The following SRSF11 variants were observed in gnomAD, a reference collection of about 807,000 sequenced individuals.
SRSF11 encodes the protein serine and arginine rich splicing factor 11.
Under a neutral mutation model 56.0 loss-of-function variants are expected in SRSF11, and 9 were observed. The observed-to-expected ratio is 0.16, with a 90% CI of 0.10 to 0.28. SRSF11 has a LOEUF of 0.28. SRSF11 is among the 10% of genes least tolerant of loss of function. SRSF11 has a pLI of 1.00. For synonymous variants in SRSF11, 222 were observed against 215.3 expected, an observed-to-expected ratio of 1.03 and a Z score of -0.27; for missense variants, 421 against 600.7, an observed-to-expected ratio of 0.70 and a Z score of 3.13.
At chr1:70,233,735 G>A (rs1030160174) in intron 3 of SRSF11, among the ~76,000 whole-genome samples, 1 of 152,290 alleles carries the variant, frequency 6.6e-6, no homozygotes, top group East Asian at 1.9e-4. Flanking sequence ...GAGAAAGTGA[G>A]GCTGTTTCAA....
chr1:70,236,637 T>C lies in SRSF11; in HGVS notation c.591-788T>C, dbSNP rs1335724278. ...GAGCCACCATGCCCGGCCTACAATT[T>C]TTTTTTTACATGTGTAAACCTGTAA... On this transcript the variant is annotated intron_variant, in intron 5 of 11. Coordinates refer to ENST00000370949, the MANE Select transcript of SRSF11 (RefSeq NM_001350605.2). Among the ~76,000 whole-genome samples, 6 of 151,986 alleles carry C rather than the reference T, an allele frequency of 3.9e-5. No individual in the cohort carries two copies. In the East Asian group the frequency reaches 1.2e-3, roughly 30 times the overall value.
At chr1:70,231,876 G>T in intron 2 of SRSF11, 2 of 1,499,698 alleles carry the variant, frequency 1.3e-6, no homozygotes, top group Non-Finnish European at 1.8e-6. Flanking sequence ...GCCGACACGA[G>T]TCGTTGTTCA....
intron 7 of SRSF11, among the ~76,000 whole-genome samples, chr1:70,241,617 A>G (rs979928994): frequency 3.3e-5 from 5 of 152,180 alleles, no homozygotes; most frequent in Non-Finnish European, 5.9e-5. Context: ...TGCCACTCCA[A>G]AAGTTACAGG....
chr1:70,242,370 C>G (rs1003107419), intron 7 of SRSF11, among the ~76,000 whole-genome samples: 8 of 151,830 alleles, frequency 5.3e-5, no homozygotes, highest in Admixed American at 3.3e-4. Flanking sequence ...ACACACCCCC[C>G]ACACCCCACA....
chr1:70,252,357 A>G lies in SRSF11; in HGVS notation c.*1552A>G, dbSNP rs182847931. On this transcript the variant is annotated 3_prime_UTR_variant, in exon 12 of 12. Transcript: ENST00000370949. Reference sequence around the variant, plus strand: ...TTTCTGGAGTAGTATAGAAGCTGTCAATATGTATCTACTGTACAGTACTAA... The same window carrying G: ...TTTCTGGAGTAGTATAGAAGCTGTCGATATGTATCTACTGTACAGTACTAA... 67 of 152,280 alleles carry G rather than the reference A, an allele frequency of 4.4e-4. No homozygotes were observed. Among genetic ancestry groups the G allele is most frequent in the African/African-American group, 1.5e-3 (64 of 41,584 alleles). 9.4% of individuals were successfully genotyped at this position (152,280 alleles called of 1,614,324 possible).
intron 7 of SRSF11, among the ~76,000 whole-genome samples, chr1:70,242,289 T>G (rs1338169262): frequency 1.3e-5 from 2 of 152,024 alleles, no homozygotes; most frequent in African/African-American, 2.4e-5. Context: ...AATATGTCCC[T>G]GAATCCAGAT....
intron 1 of SRSF11, among the ~76,000 whole-genome samples, chr1:70,216,350 T>G (rs774329071): frequency 6.6e-6 from 1 of 152,158 alleles, no homozygotes; most frequent in Non-Finnish European, 1.5e-5. Context: ...AACCTGTAAG[T>G]TATTTCTTGT....
At chr1:70,233,643 G>A (rs181547826) in intron 3 of SRSF11, among the ~76,000 whole-genome samples, 10 of 152,292 alleles carry the variant, frequency 6.6e-5, no homozygotes, top group Admixed American at 2.0e-4. Context: ...TGCCTGTTAC[G>A]AATAAACAGT....
chr1:70,231,663 A>G (rs551925667), intron 2 of SRSF11: 8 of 1,180,726 alleles, frequency 6.8e-6, no homozygotes, highest in Admixed American at 3.6e-5. Flanking sequence ...AAACATTCAT[A>G]TTCATTTTCA....
chr1:70,245,406 G>A (rs1190981635), intron 8 of SRSF11, among the ~76,000 whole-genome samples: 3 of 152,138 alleles, frequency 2.0e-5, no homozygotes, highest in African/African-American at 7.2e-5. Flanking sequence ...CAGAAGAGTG[G>A]GGGTAGCTTT....
chr1:70,230,799 G>A, intron 2 of SRSF11: 3 of 1,174,246 alleles, frequency 2.6e-6, no homozygotes, highest in Non-Finnish European at 3.2e-6. Flanking sequence ...ACTAATTTGA[G>A]TAAGATGTTG....
chr1:70,223,567 A>C (rs1209674190), intron 1 of SRSF11, among the ~76,000 whole-genome samples: 1 of 152,170 alleles, frequency 6.6e-6, no homozygotes, highest in Non-Finnish European at 1.5e-5. Flanking sequence ...CAGTATTGGG[A>C]GAAAGAGAGA....
chr1:70,211,141 A>G (rs989033382), intron 1 of SRSF11, among the ~76,000 whole-genome samples: 1 of 151,852 alleles, frequency 6.6e-6, no homozygotes, highest in African/African-American at 2.4e-5. Context: ...TTAAAGTCTC[A>G]GATTTTGTAT....
At position 70,232,388 on chromosome 1, in the gene SRSF11, T is replaced by C. The variant is rs1421588056; in HGVS notation, c.447+11T>C. ...AACCCACTTACCCAGGTACTAGTTC[T>C]ATTGAATTCTTAAAGGGTGGGGAAA... On this transcript the variant is annotated intron_variant, in intron 3 of 11. Coordinates refer to ENST00000370949, the MANE Select transcript of SRSF11 (RefSeq NM_001350605.2). 2 of 1,594,496 alleles carry C rather than the reference T, an allele frequency of 1.3e-6. No homozygotes were observed. The highest frequency in any genetic ancestry group is 1.7e-6 in the Non-Finnish European group (2 of 1,169,386).
Position 70,232,256 on chromosome 1 carries a change from G to A in SRSF11, c.338-12G>A, listed in dbSNP as rs142585561. Reference sequence around the variant, plus strand: ...AAAGAATGTGTTCTAATGCAAGGATGTTTCTCTGCAGGAGTTATTCCTGAT... The same window carrying A: ...AAAGAATGTGTTCTAATGCAAGGATATTTCTCTGCAGGAGTTATTCCTGAT... On this transcript the variant is annotated splice_polypyrimidine_tract_variant and intron_variant, in intron 2 of 11. Coordinates refer to ENST00000370949, the MANE Select transcript of SRSF11 (RefSeq NM_001350605.2). 147 of 1,614,170 alleles carry A rather than the reference G, an allele frequency of 9.1e-5. No individual in the cohort carries two copies. The African/African-American group carries it at 1.8e-3, about 20-fold the overall frequency.
chr1:70,242,232 A>G (rs1215473854), intron 7 of SRSF11, among the ~76,000 whole-genome samples: 1 of 151,854 alleles, frequency 6.6e-6, no homozygotes, highest in Non-Finnish European at 1.5e-5. Flanking sequence ...GGACTCTCTC[A>G]TTTTAATATT....
At chr1:70,226,886 A>G (rs1403081483) in intron 1 of SRSF11, among the ~76,000 whole-genome samples, 2 of 152,208 alleles carry the variant, frequency 1.3e-5, no homozygotes, top group African/African-American at 2.4e-5. Context: ...CGGGTGCAAC[A>G]TTGTTAAATT....
chr1:70,235,156 T>C (rs1008047455), intron 4 of SRSF11, among the ~76,000 whole-genome samples: 2 of 152,186 alleles, frequency 1.3e-5, no homozygotes, highest in African/African-American at 4.8e-5. Flanking sequence ...TAGAGGTCTT[T>C]TGCATTATAT....
intron 3 of SRSF11, among the ~76,000 whole-genome samples, chr1:70,233,708 A>C (rs1029407095): frequency 5.3e-5 from 8 of 152,190 alleles, no homozygotes; most frequent in Admixed American, 5.2e-4. Context: ...AAACAAGGAG[A>C]ACTTGTAGCA....
Sources: gnomAD v4.1 joint callset for allele counts (sites outside exome capture counted in the v4.1 genomes callset) on GRCh38, gnomAD v4.1.1 for gene constraint, MANE v1.5 for transcripts, NCBI Gene and HGNC (gene_info 2026-07-23, HGNC 2026-07-21) for gene names.